Variants in RBFOX1 observed in about 807,000 individuals in gnomAD.
RBFOX1 encodes RNA binding fox-1 homolog 1.
A neutral mutation model predicts 57.7 loss-of-function variants in RBFOX1; 8 were observed. That is an observed-to-expected ratio of 0.14 (90% confidence interval 0.08 to 0.25). RBFOX1 has a LOEUF of 0.25. Ranked by LOEUF, RBFOX1 falls within the 10% of genes least tolerant of loss-of-function variation. The pLI, the probability that RBFOX1 is intolerant of heterozygous loss-of-function variation, is 1.00. For synonymous variants in RBFOX1, 326 were observed against 222.4 expected, an observed-to-expected ratio of 1.47 and a Z score of -4.15; for missense variants, 611 against 548.5, an observed-to-expected ratio of 1.11 and a Z score of -1.14.
intron 3 of RBFOX1, among the ~76,000 whole-genome samples, chr16:5,719,203 T>A (rs2051835050): frequency 1.1e-4 from 1 of 8,998 alleles, no homozygotes; most frequent in Non-Finnish European, 4.2e-4. Context: ...TATTAGAATC[T>A]TTTTTTTTTT....
At chr16:6,235,442 C>G (rs137969067) in intron 1 of RBFOX1, among the ~76,000 whole-genome samples, 4 of 152,198 alleles carry the variant, frequency 2.6e-5, no homozygotes, top group African/African-American at 9.6e-5. Context: ...ATGAAAAAGA[C>G]ACTTGCACAT....
At chr16:6,432,775 C>G (rs945522212) in intron 2 of RBFOX1, among the ~76,000 whole-genome samples, 2 of 151,980 alleles carry the variant, frequency 1.3e-5, no homozygotes, top group Non-Finnish European at 2.9e-5. Flanking sequence ...GTCGGGAGTT[C>G]GAGACCAGTC....
intron 1 of RBFOX1, among the ~76,000 whole-genome samples, chr16:6,295,298 G>T (rs1404484035): frequency 6.6e-6 from 1 of 151,926 alleles, no homozygotes; most frequent in Non-Finnish European, 1.5e-5. Flanking sequence ...AAATTGTTTT[G>T]TATTTTTAGT....
chr16:6,830,618 C>G (rs541079199), intron 3 of RBFOX1, among the ~76,000 whole-genome samples: 1 of 152,254 alleles, frequency 6.6e-6, no homozygotes, highest in South Asian at 2.1e-4. Flanking sequence ...GCCAAGGGTT[C>G]TGCTAAACAT....
intron 1 of RBFOX1, among the ~76,000 whole-genome samples, chr16:6,081,827 G>C (rs2096006139): frequency 6.6e-6 from 1 of 152,160 alleles, no homozygotes; most frequent in African/African-American, 2.4e-5. Context: ...GCTACCTGCA[G>C]CTACGCTTGG....
intron 4 of RBFOX1, among the ~76,000 whole-genome samples, chr16:7,263,608 T>A (rs1246738987): frequency 2.0e-5 from 3 of 151,184 alleles, no homozygotes; most frequent in Non-Finnish European, 3.0e-5. Context: ...TGATAAGAGG[T>A]AGAAAGAGGC....
chr16:6,253,077 C>T (rs553777666), intron 1 of RBFOX1, among the ~76,000 whole-genome samples: 3 of 152,156 alleles, frequency 2.0e-5, no homozygotes, highest in Non-Finnish European at 4.4e-5. Flanking sequence ...TGCCATCTCT[C>T]CTTCTTGATC....
At chr16:5,729,536 C>A (rs777821085) in intron 3 of RBFOX1, among the ~76,000 whole-genome samples, 2 of 151,336 alleles carry the variant, frequency 1.3e-5, no homozygotes, top group African/African-American at 2.4e-5. Context: ...CATGTGGGAA[C>A]TAAGACCTGC....
At chr16:7,208,940 T>C (rs776804520) in intron 4 of RBFOX1, among the ~76,000 whole-genome samples, 19 of 152,024 alleles carry the variant, frequency 1.2e-4, no homozygotes, top group Admixed American at 6.6e-4. Flanking sequence ...GGCATTAATC[T>C]ATTCATGAGG....
intron 10 of RBFOX1, among the ~76,000 whole-genome samples, chr16:7,617,628 C>T (rs1228578786): frequency 4.6e-5 from 7 of 152,072 alleles, no homozygotes; most frequent in Non-Finnish European, 7.4e-5. Flanking sequence ...AGAGACAGAC[C>T]GTGTATTAAC....
intron 1 of RBFOX1, among the ~76,000 whole-genome samples, chr16:5,310,989 C>T (rs1182103823): frequency 6.6e-6 from 1 of 152,032 alleles, no homozygotes; most frequent in Non-Finnish European, 1.5e-5. Context: ...TATTCCTCAC[C>T]CCCACTACCC....
At chr16:5,314,863 A>G (rs2064191264) in intron 1 of RBFOX1, among the ~76,000 whole-genome samples, 2 of 152,190 alleles carry the variant, frequency 1.3e-5, no homozygotes, top group African/African-American at 2.4e-5. Context: ...AGGTCAAAGA[A>G]AAAACTTCAA....
At chr16:5,634,321 G>A (rs908104755) in intron 3 of RBFOX1, among the ~76,000 whole-genome samples, 3 of 152,186 alleles carry the variant, frequency 2.0e-5, no homozygotes, top group Non-Finnish European at 2.9e-5. Context: ...TTTATACAGA[G>A]TGGAAAACAA....
chr16:5,758,758 C>G (rs952720628), intron 3 of RBFOX1, among the ~76,000 whole-genome samples: 10 of 152,118 alleles, frequency 6.6e-5, no homozygotes, highest in African/African-American at 2.4e-4. Flanking sequence ...TAATCTAATC[C>G]AAGACCTTCA....
chr16:6,959,821 C>G (rs1343716469), intron 3 of RBFOX1, among the ~76,000 whole-genome samples: 1 of 152,144 alleles, frequency 6.6e-6, no homozygotes, highest in Non-Finnish European at 1.5e-5. Flanking sequence ...CCTGTAATTC[C>G]AGCTACTCGG....
intron 1 of RBFOX1, among the ~76,000 whole-genome samples, chr16:6,314,661 GA>G (rs57235574): frequency 0.17 from 25,646 of 152,152 alleles, 2,252 homozygotes; most frequent in South Asian, 0.24. Flanking sequence ...TGACAGGAAA[GA>G]GGGGGTAGGA....
intron 3 of RBFOX1, among the ~76,000 whole-genome samples, chr16:6,989,137 C>A (rs1386725293): frequency 6.6e-6 from 1 of 152,124 alleles, no homozygotes; most frequent in African/African-American, 2.4e-5. Flanking sequence ...CTCAAGTGAT[C>A]TGCCCGCCTC....
chr16:6,728,449 G>T (rs1483755395), intron 3 of RBFOX1, among the ~76,000 whole-genome samples: 1 of 152,140 alleles, frequency 6.6e-6, no homozygotes, highest in Non-Finnish European at 1.5e-5. Flanking sequence ...CTTGGAAATT[G>T]TTCATCTCTA....
intron 12 of RBFOX1, among the ~76,000 whole-genome samples, chr16:7,661,408 C>G (rs1043915673): frequency 6.6e-6 from 1 of 152,134 alleles, no homozygotes; most frequent in East Asian, 1.9e-4. Flanking sequence ...AGCCATAGGT[C>G]TTGCCTTGCA....
Sources: allele counts gnomAD v4.1 joint callset (sites outside exome capture counted in the v4.1 genomes callset), GRCh38; gene constraint gnomAD v4.1.1; transcripts MANE v1.5; gene names NCBI Gene and HGNC (gene_info 2026-07-23, HGNC 2026-07-21).